Variants in SDK1 observed in about 807,000 individuals in gnomAD.
The protein encoded by SDK1 is sidekick cell adhesion molecule 1.
Under a neutral mutation model 245.5 loss-of-function variants are expected in SDK1, and 157 were observed. That is an observed-to-expected ratio of 0.64 (90% CI 0.56 to 0.73). SDK1 has a LOEUF of 0.73. Ranked by LOEUF, SDK1 falls within the 30% of genes least tolerant of loss-of-function variation. The pLI, the probability that SDK1 is intolerant of heterozygous loss-of-function variation, is 0.00. For synonymous variants in SDK1, 1,647 were observed against 1,278.5 expected (o/e 1.29, Z -6.15); for missense variants, 3,583 against 3,002.3 (o/e 1.19, Z -4.52).
chr7:4,211,785 A>G (rs544545139), intron 38 of SDK1, among the ~76,000 whole-genome samples: 1 of 152,100 alleles, frequency 6.6e-6, no homozygotes, highest in African/African-American at 2.4e-5. Flanking sequence ...AACTTTTTGT[A>G]TTTTTAGTAG....
At chr7:3,725,573 A>C (rs559404082) in intron 4 of SDK1, among the ~76,000 whole-genome samples, 2 of 152,238 alleles carry the variant, frequency 1.3e-5, no homozygotes, top group African/African-American at 2.4e-5. Flanking sequence ...CACTCTTGCC[A>C]CTCTTTGGCG....
intron 17 of SDK1, among the ~76,000 whole-genome samples, chr7:4,019,228 C>T (rs1464316135): frequency 1.3e-5 from 2 of 152,178 alleles, no homozygotes; most frequent in Non-Finnish European, 2.9e-5. Flanking sequence ...TTTTCAGACA[C>T]CTGTTCATAG....
chr7:3,504,708 G>C (rs1023977508), intron 1 of SDK1, among the ~76,000 whole-genome samples: 2 of 151,816 alleles, frequency 1.3e-5, no homozygotes, highest in Admixed American at 1.3e-4. Context: ...GAAAACATTG[G>C]AGTAAATCTT....
At chr7:3,593,759 A>G (rs988648361) in intron 1 of SDK1, among the ~76,000 whole-genome samples, 7 of 152,188 alleles carry the variant, frequency 4.6e-5, no homozygotes, top group African/African-American at 1.7e-4. Context: ...GCAAGAGGGC[A>G]TATGGCACAG....
intron 1 of SDK1, among the ~76,000 whole-genome samples, chr7:3,371,384 G>C (rs1384251415): frequency 6.6e-6 from 1 of 152,078 alleles, no homozygotes; most frequent in Non-Finnish European, 1.5e-5. Flanking sequence ...ATGACTTGGA[G>C]GACAGTGTCT....
chr7:3,375,176 T>C (rs1257437629), intron 1 of SDK1, among the ~76,000 whole-genome samples: 1 of 99,674 alleles, frequency 1.0e-5, no homozygotes, highest in East Asian at 2.9e-4. Context: ...CTGAAGTTAA[T>C]TTGCAAAAAA....
chr7:3,323,809 C>G (rs1467692039), intron 1 of SDK1, among the ~76,000 whole-genome samples: 1 of 152,124 alleles, frequency 6.6e-6, no homozygotes, highest in African/African-American at 2.4e-5. Context: ...GTTACAGGTT[C>G]CAGAGTATGG....
intron 1 of SDK1, among the ~76,000 whole-genome samples, chr7:3,453,417 G>A (rs972322169): frequency 6.6e-6 from 1 of 152,126 alleles, no homozygotes; most frequent in African/African-American, 2.4e-5. Context: ...AAGGGTCTTC[G>A]CAGATGTAAT....
intron 7 of SDK1, among the ~76,000 whole-genome samples, chr7:3,952,532 A>G (rs1780919350): frequency 6.6e-6 from 1 of 152,176 alleles, no homozygotes; most frequent in Non-Finnish European, 1.5e-5. Flanking sequence ...GCAGTGAGCC[A>G]AGATCGCATC....
intron 1 of SDK1, among the ~76,000 whole-genome samples, chr7:3,515,643 G>A (rs929840569): frequency 1.3e-5 from 2 of 152,126 alleles, no homozygotes; most frequent in African/African-American, 2.4e-5. Flanking sequence ...AGTAACTTTC[G>A]TGTTTTAGTA....
chr7:3,527,784 C>G (rs575213851), intron 1 of SDK1, among the ~76,000 whole-genome samples: 77 of 135,934 alleles, frequency 5.7e-4, no homozygotes, highest in African/African-American at 2.1e-3. Flanking sequence ...GAGGTTGGAT[C>G]ATAGCCAGCT....
intron 4 of SDK1, among the ~76,000 whole-genome samples, chr7:3,714,774 T>C (rs1304695556): frequency 1.3e-5 from 2 of 152,214 alleles, no homozygotes; most frequent in Non-Finnish European, 2.9e-5. Flanking sequence ...AGATTTGCTT[T>C]TGTAGGACGG....
At chr7:3,709,500 T>A (rs1387573946) in intron 4 of SDK1, among the ~76,000 whole-genome samples, 2 of 152,250 alleles carry the variant, frequency 1.3e-5, no homozygotes, top group African/African-American at 4.8e-5. Flanking sequence ...CCCACTGTCA[T>A]ACTCACAGTT....
intron 44 of SDK1, among the ~76,000 whole-genome samples, chr7:4,262,494 TTCAAACATCAGTGGGAGGCC>T (rs1788081503): frequency 1.3e-5 from 2 of 151,778 alleles, no homozygotes; most frequent in African/African-American, 4.8e-5. Flanking sequence ...GGGACTGATC[TTCAAACATCAGTGGGAGGCC>T]TCAGGCCACT....
chr7:3,871,712 AAGTAT>A (rs1207231026), intron 5 of SDK1, among the ~76,000 whole-genome samples: 3 of 152,170 alleles, frequency 2.0e-5, no homozygotes, highest in African/African-American at 7.2e-5. Flanking sequence ...CCCAGGAACT[AAGTAT>A]AGTGAATGAC....
intron 5 of SDK1, among the ~76,000 whole-genome samples, chr7:3,842,842 GAC>G (rs1012801386): frequency 8.5e-5 from 13 of 152,100 alleles, no homozygotes; most frequent in African/African-American, 3.1e-4. Flanking sequence ...GCAAAGAGAA[GAC>G]AGTGTCTCCA....
chr7:4,019,892 G>T (rs1167136405), intron 17 of SDK1, among the ~76,000 whole-genome samples: 1 of 152,148 alleles, frequency 6.6e-6, no homozygotes, highest in Non-Finnish European at 1.5e-5. Flanking sequence ...GCCTGGTGTG[G>T]AAACACAGGT....
chr7:3,811,143 C>G (rs947227764), intron 4 of SDK1, among the ~76,000 whole-genome samples: 26 of 152,186 alleles, frequency 1.7e-4, no homozygotes, highest in African/African-American at 6.3e-4. Flanking sequence ...TCTGAGCCAG[C>G]CTCATTCACC....
rs1779917978 is a variant in SDK1 at position 3,325,452 on chromosome 7, CAT to C, written c.298+23570_298+23571del. ...ACGAATACCAATTTAAGGAGAGAAACATAGATATACTTTTAAAGAATTTAAGC... is the reference window on the plus strand; with the variant it reads ...ACGAATACCAATTTAAGGAGAGAAACAGATATACTTTTAAAGAATTTAAGC... On this transcript the variant is annotated intron_variant, in intron 1 of 44. Transcript: ENST00000404826. 3.3e-5 allele frequency among the ~76,000 whole-genome samples: 5 copies of C among 151,948 alleles called. 1 individual carries two copies. The highest frequency in any genetic ancestry group is 3.3e-4 in the Admixed American group (5 of 15,262).
Sources: gnomAD v4.1 joint callset for allele counts (sites outside exome capture counted in the v4.1 genomes callset) on GRCh38, gnomAD v4.1.1 for gene constraint, MANE v1.5 for transcripts, NCBI Gene and HGNC (gene_info 2026-07-23, HGNC 2026-07-21) for gene names.